MED12L: variants seen among roughly 807,000 people sequenced by gnomAD.
The protein encoded by MED12L is mediator complex subunit 12L.
A neutral mutation model predicts 281.3 loss-of-function variants in MED12L; 60 were observed. The observed-to-expected ratio is 0.21, with a 90% CI of 0.17 to 0.26. The LOEUF (loss-of-function observed/expected upper bound fraction) is 0.26. MED12L is among the 10% of genes least tolerant of loss of function. The pLI is 1.00. For synonymous variants in MED12L, 974 were observed against 987.2 expected (o/e 0.99, Z 0.25); for missense variants, 2,146 against 2,680.9 (o/e 0.80, Z 4.41).
intron 36 of MED12L, among the ~76,000 whole-genome samples, 163 bp from the exon 37 acceptor site, chr3:151,387,647 T>G (rs1239109887): frequency 2.0e-5 from 3 of 152,182 alleles, no homozygotes; most frequent in Non-Finnish European, 4.4e-5. Context: ...TTCTAGCCAC[T>G]GCTCTCCGGT....
chr3:151,141,239 G>A (rs924317929), intron 5 of MED12L, among the ~76,000 whole-genome samples: 3 of 140,300 alleles, frequency 2.1e-5, no homozygotes, highest in African/African-American at 8.5e-5. Context: ...GGCCAGGCTG[G>A]TCTCGAAATC....
chr3:151,338,896 A>C (rs749326501), intron 16 of MED12L: 1 of 1,580,840 alleles, frequency 6.3e-7, no homozygotes, highest in Admixed American at 1.7e-5. Context: ...TTTTCAGCCT[A>C]AGGTAGTTAT....
intron 16 of MED12L, among the ~76,000 whole-genome samples, chr3:151,347,867 G>A (rs1312187410): frequency 1.3e-5 from 2 of 152,116 alleles, no homozygotes; most frequent in African/African-American, 4.8e-5. Context: ...TTTATTATTC[G>A]AGATCATGGA....
intron 5 of MED12L, among the ~76,000 whole-genome samples, chr3:151,133,364 T>C (rs140312782): frequency 6.6e-6 from 1 of 152,242 alleles, no homozygotes; most frequent in East Asian, 1.9e-4. Flanking sequence ...GTAGATTAAA[T>C]GGGTTGCTGC....
Position 151,283,992 on chromosome 3 carries a change from C to T in MED12L, c.2251-66067C>T, listed in dbSNP as rs550916963. Among the ~76,000 whole-genome samples, 13 of 152,314 alleles carry T rather than the reference C, an allele frequency of 8.5e-5. No homozygotes were observed. The South Asian group carries it at 2.7e-3, about 32-fold the overall frequency. On this transcript the variant is annotated intron_variant, in intron 16 of 44. Transcript: ENST00000687756. ...TTATTTACTCAGTACCCTAACTGCT[C>T]AGCTTTTTAATACAGTGATAGAACA...
chr3:151,374,415 G>A (rs1363288908), intron 27 of MED12L, among the ~76,000 whole-genome samples: 1 of 152,148 alleles, frequency 6.6e-6, no homozygotes, highest in Non-Finnish European at 1.5e-5. Context: ...AGGTGTGGTG[G>A]CACATGCCTG....
intron 40 of MED12L, among the ~76,000 whole-genome samples, chr3:151,411,069 C>T (rs527860615): frequency 6.6e-6 from 1 of 151,844 alleles, no homozygotes; most frequent in Admixed American, 6.5e-5. Context: ...TCTGGTGAGT[C>T]ATTACACAGC....
chr3:151,092,209 G>T (rs974540994), intron 2 of MED12L, among the ~76,000 whole-genome samples: 1 of 151,990 alleles, frequency 6.6e-6, no homozygotes, highest in Non-Finnish European at 1.5e-5. Context: ...CTGTCATTTG[G>T]TTCTTAGCTC....
intron 11 of MED12L, among the ~76,000 whole-genome samples, chr3:151,175,492 C>T: frequency 6.6e-6 from 1 of 152,006 alleles, no homozygotes; most frequent in East Asian, 1.9e-4. Flanking sequence ...TCCCCCACTC[C>T]TTTTTATGGT....
At chr3:151,338,761 G>A (rs750320737) in intron 16 of MED12L, 1 of 1,613,464 alleles carries the variant, frequency 6.2e-7, no homozygotes, top group Admixed American at 1.7e-5. Context: ...TAGAGCAGTG[G>A]GAAGAGGACC....
intron 43 of MED12L, among the ~76,000 whole-genome samples, chr3:151,426,262 G>C (rs1002038721): frequency 6.6e-6 from 1 of 152,194 alleles, no homozygotes; most frequent in East Asian, 1.9e-4. Context: ...GTCTAGAGAG[G>C]AGTCCCGGGA....
At chr3:151,334,002 G>A (rs1344643410) in intron 16 of MED12L, among the ~76,000 whole-genome samples, 1 of 151,904 alleles carries the variant, frequency 6.6e-6, no homozygotes, top group East Asian at 1.9e-4. Flanking sequence ...GCTTGTACCC[G>A]GGAGGCGGAG....
intron 16 of MED12L, chr3:151,338,324 T>C (rs1157806680): frequency 1.2e-6 from 2 of 1,614,132 alleles, no homozygotes; most frequent in Non-Finnish European, 1.7e-6. Context: ...GGAAAGAGCA[T>C]TTCTTCACAT....
At chr3:151,265,283 A>T (rs188023525) in intron 16 of MED12L, among the ~76,000 whole-genome samples, 277 of 152,234 alleles carry the variant, frequency 1.8e-3, no homozygotes, top group Non-Finnish European at 3.1e-3. Flanking sequence ...ATGGAAACTG[A>T]GTAGATCTTT....
At chr3:151,188,081 T>G in intron 12 of MED12L, 1 of 201,144 alleles carries the variant, frequency 5.0e-6, no homozygotes, top group Non-Finnish European at 1.0e-5. Flanking sequence ...TTCCAACTTT[T>G]AGAAATTATA....
At chr3:151,267,741 C>CATTAAAAAGAATTGCCT (rs1740113614) in intron 16 of MED12L, among the ~76,000 whole-genome samples, 2 of 151,948 alleles carry the variant, frequency 1.3e-5, no homozygotes, top group South Asian at 4.1e-4. Flanking sequence ...TGGCCTAATT[C>CATTAAAAAGAATTGCCT]ATTAAAAAGA....
rs775083941 is a variant in MED12L at position 151,394,876 on chromosome 3, A to G, written c.5820+9A>G. ...CTCGGCCTTTCCAACAGGTTTGTCC[A>G]GACCCCAGCAATGGAGTCCTTTGCA... On this transcript the variant is annotated intron_variant, in intron 39 of 44. Coordinates refer to ENST00000687756, the MANE Select transcript of MED12L (RefSeq NM_001393769.1). The G allele has an allele frequency of 1.2e-6, 2 of 1,613,632 alleles. No homozygotes were observed. The highest frequency in any genetic ancestry group is 1.7e-5 in the Admixed American group (1 of 60,032).
At chr3:151,396,529 G>GA (rs1714994087) in intron 39 of MED12L, among the ~76,000 whole-genome samples, 1 of 152,202 alleles carries the variant, frequency 6.6e-6, no homozygotes, top group Admixed American at 6.5e-5. Flanking sequence ...GGGAGGCTGA[G>GA]GCAGGAGAAT....
At chr3:151,338,526 G>GT (rs1200870948) in intron 16 of MED12L, 7 of 1,613,762 alleles carry the variant, frequency 4.3e-6, no homozygotes, top group Non-Finnish European at 5.9e-6. Flanking sequence ...GATATACATT[G>GT]TGAAATAAAA....
Sources: gnomAD v4.1 joint callset for allele counts (sites outside exome capture counted in the v4.1 genomes callset) on GRCh38, gnomAD v4.1.1 for gene constraint, MANE v1.5 for transcripts, NCBI Gene and HGNC (gene_info 2026-07-23, HGNC 2026-07-21) for gene names.